Variants in UBR4 observed in about 807,000 individuals in gnomAD.
UBR4 encodes the protein ubiquitin protein ligase E3 component n-recognin 4, also known as E3 ubiquitin-protein ligase UBR4.
A neutral mutation model predicts 575.6 loss-of-function variants in UBR4; 124 were observed. That is an observed-to-expected ratio of 0.22 (90% CI 0.19 to 0.25). The LOEUF (loss-of-function observed/expected upper bound fraction) is 0.25. UBR4 is among the 10% of genes least tolerant of loss of function. UBR4 has a pLI of 1.00. For missense variants in UBR4, 4,818 were observed against 6,478.8 expected (o/e 0.74, Z 8.80); for synonymous variants, 2,455 against 2,473.7 (o/e 0.99, Z 0.22).
Position 19,184,008 on chromosome 1 carries a change from C to G in UBR4, c.2098+8G>C, listed in dbSNP as rs1251691096. 1 of 1,614,150 alleles carries G rather than the reference C, an allele frequency of 6.2e-7. No individual in the cohort carries two copies. The highest frequency in any genetic ancestry group is 8.5e-7 in the Non-Finnish European group (1 of 1,179,998). Reference sequence around the variant, plus strand: ...AAAATCCATCAGGCACATATCTTGTCTACTGACCCTTGAGTCCATCTTTGT... The same window carrying G: ...AAAATCCATCAGGCACATATCTTGTGTACTGACCCTTGAGTCCATCTTTGT... On this transcript the variant is annotated splice_region_variant and intron_variant, in intron 16 of 105. Coordinates refer to ENST00000375254, the MANE Select transcript of UBR4 (RefSeq NM_020765.3).
chr1:19,182,510 T>G (rs1316929066), intron 17 of UBR4, among the ~76,000 whole-genome samples: 2 of 152,110 alleles, frequency 1.3e-5, no homozygotes, highest in African/African-American at 4.8e-5. Flanking sequence ...TGCCACCATA[T>G]AGTAATTCTA....
rs927997312 is a variant in UBR4 at position 19,157,066 on chromosome 1, C to T, written c.5761-141G>A. 5.5e-6 allele frequency: 5 copies of T among 913,606 alleles called. No individual in the cohort carries two copies. In the African/African-American group the frequency reaches 6.7e-5, roughly 12 times the overall value. 56.6% of individuals were successfully genotyped at this position (913,606 alleles called of 1,614,324 possible). On this transcript the variant is annotated intron_variant, in intron 40 of 105. Coordinates refer to ENST00000375254, the MANE Select transcript of UBR4 (RefSeq NM_020765.3). This position sits in a 1 kb window ranked among gnomAD's most constrained non-coding sequence, Gnocchi z 4.4. ...ATAAGTCTAGTAGAAAATCCTAGATCAGTATTAGTCTCTATTACTCCTGGC... is the reference window on the plus strand; with the variant it reads ...ATAAGTCTAGTAGAAAATCCTAGATTAGTATTAGTCTCTATTACTCCTGGC...
chr1:19,152,284 G>T lies in UBR4; in HGVS notation c.6996+29C>A. 2 of 1,612,292 alleles carry T rather than the reference G, an allele frequency of 1.2e-6. No homozygotes were observed. Among genetic ancestry groups the T allele is most frequent in the Non-Finnish European group, 1.7e-6 (2 of 1,178,566 alleles). On this transcript the variant is annotated intron_variant, in intron 47 of 105. Coordinates refer to ENST00000375254, the MANE Select transcript of UBR4 (RefSeq NM_020765.3). This position sits in a 1 kb window ranked among gnomAD's most constrained non-coding sequence, Gnocchi z 4.4. Reference sequence around the variant, plus strand: ...TATTGTTTGAGTCCTTCTACCCAGGGATTGATCCCAGCCCAGTGCCATTCT... The same window carrying T: ...TATTGTTTGAGTCCTTCTACCCAGGTATTGATCCCAGCCCAGTGCCATTCT...
At chr1:19,124,777 T>C in intron 64 of UBR4, 87 bp from the exon 65 acceptor site, 4 of 1,529,610 alleles carry the variant, frequency 2.6e-6, no homozygotes, top group Non-Finnish European at 3.5e-6. Flanking sequence ...TTAGACGTAT[T>C]ACATGTTGGA....
chr1:19,196,750 T>C (rs927495032), intron 8 of UBR4, among the ~76,000 whole-genome samples: 6 of 152,232 alleles, frequency 3.9e-5, no homozygotes, highest in African/African-American at 2.4e-5. Context: ...ATTCTATACT[T>C]CTATTGCCTT....
intron 89 of UBR4, 37 bp from the exon 90 acceptor site, chr1:19,099,714 A>C: frequency 6.3e-7 from 1 of 1,580,202 alleles, no homozygotes; most frequent in Non-Finnish European, 8.6e-7. Flanking sequence ...TGTTCCAAAT[A>C]ATTGTAAGAC....
chr1:19,129,205 G>T, intron 60 of UBR4, 131 bp from the exon 61 acceptor site: 1 of 673,784 alleles, frequency 1.5e-6, no homozygotes, highest in Non-Finnish European at 2.5e-6. Context: ...ACAATCTCCA[G>T]CATTAAAAAA....
intron 1 of UBR4, 76 bp from the exon 2 acceptor site, chr1:19,201,891 C>A: frequency 7.9e-7 from 1 of 1,268,032 alleles, no homozygotes; most frequent in Non-Finnish European, 1.1e-6. Context: ...ATGGATATTA[C>A]ATTATTTAAT....
At chr1:19,076,486 C>T (rs979541606) in intron 105 of UBR4, among the ~76,000 whole-genome samples, 17 of 152,180 alleles carry the variant, frequency 1.1e-4, no homozygotes, top group African/African-American at 7.2e-5. Flanking sequence ...AGGGCTGCCT[C>T]GAGGGCTGAG....
chr1:19,203,355 G>C (rs2092844209), intron 1 of UBR4, among the ~76,000 whole-genome samples: 1 of 151,920 alleles, frequency 6.6e-6, no homozygotes, highest in South Asian at 2.1e-4. Context: ...ACAAAAATTA[G>C]CCAGGTGTGG....
At chr1:19,133,175 C>T (rs963370579) in intron 60 of UBR4, among the ~76,000 whole-genome samples, 1 of 152,038 alleles carries the variant, frequency 6.6e-6, no homozygotes, top group African/African-American at 2.4e-5. Flanking sequence ...TAAGCCTAAA[C>T]TAAAAATTAG....
At chr1:19,112,310 A>G in intron 78 of UBR4, 1 of 557,912 alleles carries the variant, frequency 1.8e-6, no homozygotes, top group Non-Finnish European at 3.1e-6. Flanking sequence ...AAAAAGCACA[A>G]GCCAATCATG....
intron 47 of UBR4, 26 bp from the exon 48 acceptor site, chr1:19,151,885 A>G (rs774650682): frequency 6.5e-7 from 1 of 1,535,902 alleles, no homozygotes; most frequent in East Asian, 2.3e-5. Flanking sequence ...GCACACATCA[A>G]GAAACTACAG....
chr1:19,105,326 C>A, intron 84 of UBR4, 137 bp from the exon 85 acceptor site: 1 of 1,037,152 alleles, frequency 9.6e-7, no homozygotes, highest in East Asian at 2.6e-5. Context: ...GGAGGAACAG[C>A]ATCCAAGACA....
chr1:19,118,154 C>A, intron 71 of UBR4: 3 of 412,050 alleles, frequency 7.3e-6, no homozygotes, highest in East Asian at 4.3e-5. Context: ...CAGAGGAATT[C>A]TAAAAAGTAG....
intron 1 of UBR4, among the ~76,000 whole-genome samples, chr1:19,202,921 C>G (rs1451326374): frequency 6.7e-6 from 1 of 150,110 alleles, no homozygotes; most frequent in Non-Finnish European, 1.5e-5. Context: ...CCTGTCTCTA[C>G]TAAAATTACA....
At chr1:19,133,258 C>T (rs974650073) in intron 60 of UBR4, among the ~76,000 whole-genome samples, 3 of 152,002 alleles carry the variant, frequency 2.0e-5, no homozygotes, top group African/African-American at 4.8e-5. Context: ...AATCAATTAA[C>T]GTAATCTATA....
At chr1:19,095,381 G>A (rs2077930914) in intron 93 of UBR4, among the ~76,000 whole-genome samples, 164 bp downstream of exon 93, 1 of 152,164 alleles carries the variant, frequency 6.6e-6, no homozygotes, top group Admixed American at 6.5e-5. Context: ...GCCAGCCAGA[G>A]GAGAAGGGCA....
intron 103 of UBR4, 39 bp downstream of exon 103, chr1:19,081,310 G>A (rs1398389686): frequency 1.3e-6 from 2 of 1,519,286 alleles, no homozygotes; most frequent in South Asian, 1.3e-5. Flanking sequence ...ACTGATGATG[G>A]GAAATAGTGA....
Sources: allele counts gnomAD v4.1 joint callset (sites outside exome capture counted in the v4.1 genomes callset), GRCh38; gene constraint gnomAD v4.1.1; non-coding constraint Gnocchi (gnomAD v3.1); transcripts MANE v1.5; gene names NCBI Gene and HGNC (gene_info 2026-07-23, HGNC 2026-07-21).